The following CAB39 variants were observed in gnomAD, a reference collection of about 807,000 sequenced individuals.
CAB39 encodes calcium binding protein 39.
Under a neutral mutation model 40.0 loss-of-function variants are expected in CAB39, and 8 were observed. That is an observed-to-expected ratio of 0.20 (90% CI 0.12 to 0.36). The LOEUF is 0.36. Ranked by LOEUF, CAB39 falls within the 10% of genes least tolerant of loss-of-function variation. CAB39 has a pLI of 1.00. For missense variants in CAB39, 270 were observed against 401.1 expected, an observed-to-expected ratio of 0.67 and a Z score of 2.79; for synonymous variants, 156 against 141.6, an observed-to-expected ratio of 1.10 and a Z score of -0.72.
At chr2:230,750,591 A>G (rs996994012) in intron 1 of CAB39, among the ~76,000 whole-genome samples, 2 of 151,744 alleles carry the variant, frequency 1.3e-5, no homozygotes, top group Non-Finnish European at 2.9e-5. Context: ...TTACTTCTCC[A>G]TATGTAGTTC....
intron 1 of CAB39, among the ~76,000 whole-genome samples, chr2:230,721,555 T>C (rs1322664009): frequency 6.6e-6 from 1 of 152,248 alleles, no homozygotes; most frequent in Non-Finnish European, 1.5e-5. Flanking sequence ...TTACATACCA[T>C]GATAATTGAA....
intron 1 of CAB39, among the ~76,000 whole-genome samples, chr2:230,759,337 A>G (rs950881993): frequency 3.3e-5 from 5 of 152,186 alleles, no homozygotes; most frequent in African/African-American, 1.2e-4. Flanking sequence ...ACACCGGGAA[A>G]AGAGCATCTG....
At chr2:230,780,964 C>A (rs937677968) in intron 2 of CAB39, among the ~76,000 whole-genome samples, 1 of 151,980 alleles carries the variant, frequency 6.6e-6, no homozygotes, top group Non-Finnish European at 1.5e-5. Flanking sequence ...TACCTGTAGT[C>A]CCAGCTACTC....
intron 1 of CAB39, among the ~76,000 whole-genome samples, chr2:230,754,326 CTTCTTCT>C (rs1229834393): frequency 1.5e-5 from 2 of 135,516 alleles, no homozygotes; most frequent in African/African-American, 3.4e-5. Flanking sequence ...TTCCTTCTTC[CTTCTTCT>C]TCCTTCCTCT....
At chr2:230,735,525 G>A (rs574344605) in intron 1 of CAB39, among the ~76,000 whole-genome samples, 1 of 144,582 alleles carries the variant, frequency 6.9e-6, no homozygotes, top group South Asian at 2.2e-4. Context: ...AATTTGGGGG[G>A]ATGGGGGGGA....
intron 2 of CAB39, among the ~76,000 whole-genome samples, chr2:230,789,458 A>G (rs1695854305): frequency 6.6e-6 from 1 of 152,200 alleles, no homozygotes; most frequent in Non-Finnish European, 1.5e-5. Flanking sequence ...TTTGTTGGGC[A>G]GGACCAGATC....
chr2:230,806,704 A>G (rs1696201532), intron 5 of CAB39, among the ~76,000 whole-genome samples: 1 of 152,220 alleles, frequency 6.6e-6, no homozygotes, highest in Non-Finnish European at 1.5e-5. Context: ...TTCCTGGCAT[A>G]GTATTTGGGG....
chr2:230,767,533 A>G (rs1390671451), intron 2 of CAB39, among the ~76,000 whole-genome samples: 1 of 152,204 alleles, frequency 6.6e-6, no homozygotes. Context: ...ACAGGGGCCT[A>G]AAGTAATTTC....
intron 2 of CAB39, among the ~76,000 whole-genome samples, chr2:230,780,050 T>C (rs1695659340): frequency 6.6e-6 from 1 of 152,156 alleles, no homozygotes; most frequent in South Asian, 2.1e-4. Context: ...CCCTTAATTA[T>C]CGGATGGTCC....
chr2:230,783,516 C>G (rs1464631855), intron 2 of CAB39, among the ~76,000 whole-genome samples: 1 of 150,640 alleles, frequency 6.6e-6, no homozygotes, highest in African/African-American at 2.4e-5. Flanking sequence ...GCTCTGCCAT[C>G]CAGGCAGTGG....
At chr2:230,801,552 C>T (rs1696090166) in intron 5 of CAB39, among the ~76,000 whole-genome samples, 1 of 152,108 alleles carries the variant, frequency 6.6e-6, no homozygotes. Context: ...AGCCCTGGAA[C>T]AGGTGCTGAG....
chr2:230,802,339 T>C (rs1302763480), intron 5 of CAB39, among the ~76,000 whole-genome samples: 2 of 151,604 alleles, frequency 1.3e-5, no homozygotes, highest in African/African-American at 4.8e-5. Context: ...CACCCAAATA[T>C]CACAAAAGAA....
chr2:230,763,121 T>C (rs1045326721), intron 2 of CAB39, among the ~76,000 whole-genome samples: 4 of 152,224 alleles, frequency 2.6e-5, no homozygotes, highest in Admixed American at 2.0e-4. Flanking sequence ...TTATAAATAA[T>C]GTGTTTTAAT....
rs2124919010 is a variant in CAB39 at position 230,760,011 on chromosome 2, C to T, written c.10C>T (p.Pro4Ser). Residue 4 changes from proline (P) to serine (S), a missense_variant, in exon 2 of 9, where the codon CCG becomes TCG. By Grantham distance (74) the Pro-to-Ser change is moderately conservative. Transcript: ENST00000258418. ...CCCTGCCGCTGCCGTCATGCCGTTC[C>T]CGTTTGGGAAGTCTCACAAATCTCC... MPF[P>S]FGKSHKSPAD... 1 of 1,610,212 alleles carries T rather than the reference C, an allele frequency of 6.2e-7. No individual in the cohort carries two copies. The highest frequency in any genetic ancestry group is 8.5e-7 in the Non-Finnish European group (1 of 1,176,780).
rs1479551713 is a variant in CAB39 at position 230,820,573 on chromosome 2, A to T, written c.*1869A>T. Reference sequence around the variant, plus strand: ...AGTGCTGTGTGTATGGAGTTAGTGTAAAAACATGGATTACACCAAGTGGAA... The same window carrying T: ...AGTGCTGTGTGTATGGAGTTAGTGTTAAAACATGGATTACACCAAGTGGAA... On this transcript the variant is annotated 3_prime_UTR_variant, in exon 9 of 9. Transcript: ENST00000258418. 6.6e-6 allele frequency: 1 copy of T among 152,436 alleles called. No homozygotes were observed. The highest frequency in any genetic ancestry group is 1.5e-5 in the Non-Finnish European group (1 of 68,048). 9.4% of individuals were successfully genotyped at this position (152,436 alleles called of 1,614,324 possible). A position where few individuals can be genotyped will look rare whatever the true frequency, so the allele number is the denominator to read the frequency against.
At chr2:230,724,381 A>G (rs1017838048) in intron 1 of CAB39, among the ~76,000 whole-genome samples, 1 of 151,918 alleles carries the variant, frequency 6.6e-6, no homozygotes, top group Non-Finnish European at 1.5e-5. Flanking sequence ...CTGCTGATAC[A>G]TTGTTTAAGA....
At chr2:230,736,595 A>G (rs1344563132) in intron 1 of CAB39, among the ~76,000 whole-genome samples, 3 of 152,188 alleles carry the variant, frequency 2.0e-5, no homozygotes, top group Non-Finnish European at 4.4e-5. Flanking sequence ...AAGAAAGCCA[A>G]CCACTTAGGA....
At chr2:230,809,742 A>G (rs1165714855) in intron 5 of CAB39, among the ~76,000 whole-genome samples, 1 of 152,240 alleles carries the variant, frequency 6.6e-6, no homozygotes, top group Admixed American at 6.5e-5. Flanking sequence ...TACCTAAAAC[A>G]CACTCTACCT....
At chr2:230,780,622 A>G (rs1021804814) in intron 2 of CAB39, among the ~76,000 whole-genome samples, 8 of 152,150 alleles carry the variant, frequency 5.3e-5, no homozygotes, top group African/African-American at 7.2e-5. Flanking sequence ...TCATGATTCA[A>G]TGTCGATTAT....
Sources: gnomAD v4.1 joint callset for allele counts (sites outside exome capture counted in the v4.1 genomes callset) on GRCh38, gnomAD v4.1.1 for gene constraint, MANE v1.5 for transcripts, NCBI Gene and HGNC (gene_info 2026-07-23, HGNC 2026-07-21) for gene names.